The following GAS2 variants were observed in gnomAD, a reference collection of about 807,000 sequenced individuals.
The protein encoded by GAS2 is growth arrest specific 2.
In GAS2, 20 loss-of-function variants were observed where a neutral mutation model predicts 37.5. The ratio of observed to expected loss-of-function variants is 0.53; its 90% confidence interval spans 0.37 to 0.77. The LOEUF (loss-of-function observed/expected upper bound fraction) is 0.77. GAS2 is among the 30% of genes least tolerant of loss of function. GAS2 has a pLI of 0.00. For synonymous variants in GAS2, 144 were observed against 132.2 expected (o/e 1.09, Z -0.61); for missense variants, 336 against 373.4 (o/e 0.90, Z 0.82).
chr11:22,779,217 A>G (rs1323555889), intron 7 of GAS2, among the ~76,000 whole-genome samples: 2 of 152,166 alleles, frequency 1.3e-5, no homozygotes, highest in Admixed American at 6.5e-5. Context: ...AGTCCTAGTC[A>G]TCGCCCTCAT....
chr11:22,780,394 C>T (rs776306362), intron 7 of GAS2, among the ~76,000 whole-genome samples: 1 of 151,902 alleles, frequency 6.6e-6, no homozygotes, highest in Non-Finnish European at 1.5e-5. Flanking sequence ...ACTCAGAAGC[C>T]AGAGGCAGGA....
At chr11:22,704,320 A>G (rs1850994328) in intron 3 of GAS2, among the ~76,000 whole-genome samples, 1 of 151,924 alleles carries the variant, frequency 6.6e-6, no homozygotes, top group Admixed American at 6.6e-5. Context: ...AAATACAGTT[A>G]TTTCAATATT....
At chr11:22,628,383 AATAAT>A (rs975734420) in intron 1 of GAS2, among the ~76,000 whole-genome samples, 1 of 152,210 alleles carries the variant, frequency 6.6e-6, no homozygotes, top group Admixed American at 6.5e-5. Flanking sequence ...AAGTGAGAGA[AATAAT>A]ATAAGGTAAA....
intron 6 of GAS2, among the ~76,000 whole-genome samples, chr11:22,752,086 G>A (rs923015063): frequency 6.6e-6 from 1 of 151,928 alleles, no homozygotes; most frequent in African/African-American, 2.4e-5. Flanking sequence ...CTTTAAAATG[G>A]CATTTTTCAA....
At chr11:22,702,345 G>A (rs1362385352) in intron 3 of GAS2, 1 of 152,118 alleles carries the variant, frequency 6.6e-6, no homozygotes, top group African/African-American at 2.4e-5. Context: ...GATTCTTTAG[G>A]AATAATACTT....
At position 22,811,812 on chromosome 11, in the gene GAS2, A is replaced by G. The variant is rs529708585; in HGVS notation, c.738A>G (p.Lys246=). 1.2e-5 allele frequency: 20 copies of G among 1,614,072 alleles called. No individual in the cohort carries two copies. In the South Asian group the frequency reaches 2.2e-4, roughly 18 times the overall value. Residue 246 remains lysine, a synonymous_variant, in exon 8 of 8, where the codon AAA becomes AAG. Transcript: ENST00000454584. ...TTTCATTTCAGATGCTGCACAACAA[A>G]CATGTCATGGTCCGTGTGGGAGGAG... The part of the protein sequence containing the change: ...KILFIRMLHN[K]HVMVRVGGGW...
intron 2 of GAS2, among the ~76,000 whole-genome samples, chr11:22,675,917 ATT>A (rs1326114261): frequency 6.6e-6 from 1 of 152,162 alleles, no homozygotes; most frequent in Non-Finnish European, 1.5e-5. Context: ...TCCATCTGAA[ATT>A]TTAGCAAGGT....
chr11:22,658,215 G>C (rs1006208911), intron 1 of GAS2, among the ~76,000 whole-genome samples: 1 of 151,970 alleles, frequency 6.6e-6, no homozygotes, highest in African/African-American at 2.4e-5. Flanking sequence ...TTTTAGTAGA[G>C]GTGGTGTTTC....
chr11:22,775,193 G>A (rs550025278), intron 7 of GAS2, among the ~76,000 whole-genome samples: 1 of 152,324 alleles, frequency 6.6e-6, no homozygotes, highest in African/African-American at 2.4e-5. Context: ...GGAGAAACAT[G>A]AGTAGATTGC....
intron 3 of GAS2, among the ~76,000 whole-genome samples, chr11:22,722,680 T>C (rs577758494): frequency 3.9e-5 from 6 of 151,906 alleles, no homozygotes; most frequent in Non-Finnish European, 8.8e-5. Flanking sequence ...CTTAGTGAAT[T>C]TTGAAGGCCC....
At chr11:22,652,036 C>T (rs1848783137) in intron 1 of GAS2, among the ~76,000 whole-genome samples, 1 of 152,122 alleles carries the variant, frequency 6.6e-6, no homozygotes, top group Non-Finnish European at 1.5e-5. Context: ...TGTTTTTTCC[C>T]CATCTTTGTG....
chr11:22,712,798 C>T (rs958590826), intron 3 of GAS2, among the ~76,000 whole-genome samples: 9 of 151,852 alleles, frequency 5.9e-5, no homozygotes, highest in East Asian at 1.9e-4. Flanking sequence ...AATTAAAGGC[C>T]GGGGGCAGTG....
Position 22,726,381 on chromosome 11 carries a change from G to A in GAS2, c.357G>A (p.Trp119Ter). 6.2e-7 allele frequency: 1 copy of A among 1,612,872 alleles called. No individual in the cohort carries two copies. The highest frequency in any genetic ancestry group is 8.5e-7 in the Non-Finnish European group (1 of 1,179,374). The change falls in exon 4 of 8, where the codon TGG (tryptophan) becomes TGA (stop). Residue 119 changes from tryptophan (W) to a stop codon, truncating the protein, a stop_gained. Coordinates refer to ENST00000454584, the MANE Select transcript of GAS2 (RefSeq NM_001143830.3). LOFTEE classifies it high-confidence loss of function. ...ARDNTANFLS[W>*]CRDLGVDETC... ...ACAATACAGCAAATTTCTTATCCTG[G>A]TGCCGAGATTTAGGGGTGGATGAAA...
chr11:22,678,128 T>C (rs1849519638), intron 2 of GAS2, among the ~76,000 whole-genome samples: 1 of 152,162 alleles, frequency 6.6e-6, no homozygotes, highest in Admixed American at 6.6e-5. Context: ...ACAAAGTAGA[T>C]AGATAATAGA....
chr11:22,724,526 T>A (rs1852102418), intron 3 of GAS2, among the ~76,000 whole-genome samples: 1 of 152,062 alleles, frequency 6.6e-6, no homozygotes, highest in Admixed American at 6.6e-5. Flanking sequence ...TATAATACTT[T>A]ACAAGGGAAA....
chr11:22,681,065 A>T lies in GAS2; in HGVS notation c.146-4603A>T, dbSNP rs4536210. The stretch of plus-strand genomic sequence containing the variant: ...CATATAATAAGAACTCAACTGTTAA[A>T]TATGATTATTAGAATTCTTTAGAAA... On this transcript the variant is annotated intron_variant, in intron 2 of 7. Transcript: ENST00000454584. Among the ~76,000 whole-genome samples the T allele has an allele frequency of 8.1e-3, 1,229 of 152,150 alleles. 11 individuals carry two copies. The highest frequency in any genetic ancestry group is 0.014 in the Non-Finnish European group (959 of 67,978).
At chr11:22,797,451 T>A (rs1380875666) in intron 7 of GAS2, among the ~76,000 whole-genome samples, 1 of 152,060 alleles carries the variant, frequency 6.6e-6, no homozygotes, top group Non-Finnish European at 1.5e-5. Flanking sequence ...CCTGTCCATG[T>A]TGGGAGATTG....
chr11:22,737,881 C>A, intron 5 of GAS2, 113 bp downstream of exon 5: 1 of 917,744 alleles, frequency 1.1e-6, no homozygotes, highest in South Asian at 1.4e-5. Context: ...TGAGAAGCTA[C>A]TCATTCACGA....
chr11:22,710,608 C>T (rs1851358481), intron 3 of GAS2, among the ~76,000 whole-genome samples: 2 of 151,932 alleles, frequency 1.3e-5, no homozygotes, highest in Non-Finnish European at 2.9e-5. Flanking sequence ...GAAAATATAA[C>T]TATCATCAAT....
Sources: gnomAD v4.1 joint callset for allele counts (sites outside exome capture counted in the v4.1 genomes callset) on GRCh38, gnomAD v4.1.1 for gene constraint, MANE v1.5 for transcripts, NCBI Gene and HGNC (gene_info 2026-07-23, HGNC 2026-07-21) for gene names.